Variants in JADE3 observed in about 807,000 individuals in gnomAD.
The protein encoded by JADE3 is protein Jade-3.
In JADE3, 2 loss-of-function variants were observed where a neutral mutation model predicts 50.1. The observed-to-expected ratio is 0.04, with a 90% CI of 0.02 to 0.13. The LOEUF is 0.13. Among genes scored for constraint, JADE3 ranks in the 10% least tolerant of loss-of-function variants. The pLI is 1.00. For synonymous variants in JADE3, 218 were observed against 232.9 expected, an observed-to-expected ratio of 0.94 and a Z score of 0.58; for missense variants, 475 against 634.4, an observed-to-expected ratio of 0.75 and a Z score of 2.70.
upstream of JADE3, chrX:46,912,391 G>A (rs1556335246): frequency 1.8e-5 from 2 of 112,000 alleles, no homozygotes; most frequent in Non-Finnish European, 3.8e-5. Context: ...GGGGGAGGAA[G>A]GAAAGGGAAG....
At chrX:46,938,701 C>G (rs1262499811) in intron 1 of JADE3, among the ~76,000 whole-genome samples, 1 of 112,364 alleles carries the variant, frequency 8.9e-6, no homozygotes, top group East Asian at 2.8e-4. Context: ...TCTAGCAGTT[C>G]GTTTAGAGTA....
In JADE3 at chrX:47,058,845, G is replaced by T. The variant is rs1055389651; in HGVS notation, c.2240G>T (p.Trp747Leu). 45 of 1,208,113 alleles carry T rather than the reference G, an allele frequency of 3.7e-5. No individual in the cohort carries two copies. Among genetic ancestry groups the T allele is most frequent in the Non-Finnish European group, 4.9e-5 (44 of 893,602 alleles). The change falls in exon 11 of 11, where the codon TGG becomes TTG. Residue 747 changes from tryptophan to leucine, a missense_variant. By Grantham distance (61) the Trp-to-Leu change is moderately conservative. Transcript: ENST00000614628. ...TKNMSPKEQF[W>L]GRQVLRRSAG... ...AATATGAGCCCCAAGGAGCAGTTCT[G>T]GGGTAGACAGGTTCTCAGGCGGTCT...
At chrX:47,049,669 C>T (rs1929458875) in intron 8 of JADE3, among the ~76,000 whole-genome samples, 1 of 106,590 alleles carries the variant, frequency 9.4e-6, no homozygotes, top group African/African-American at 3.4e-5. Context: ...TGGTCTTGAA[C>T]TCCTGGACTG....
At chrX:47,010,331 C>A (rs1051418813) in intron 4 of JADE3, among the ~76,000 whole-genome samples, 1 of 111,418 alleles carries the variant, frequency 9.0e-6, no homozygotes, top group Non-Finnish European at 1.9e-5. Flanking sequence ...CCAGTTCAAC[C>A]GATTCTCCTG....
chrX:47,024,366 G>A (rs1221574982), intron 4 of JADE3, among the ~76,000 whole-genome samples: 2 of 111,888 alleles, frequency 1.8e-5, no homozygotes, highest in Non-Finnish European at 3.8e-5. Context: ...GGTGGCATGT[G>A]CCTGTAGTCT....
intron 4 of JADE3, among the ~76,000 whole-genome samples, chrX:47,020,106 G>A (rs915630370): frequency 9.0e-6 from 1 of 111,526 alleles, no homozygotes; most frequent in African/African-American, 3.3e-5. Flanking sequence ...TGAGGCAGGT[G>A]GATCACCTGA....
intron 1 of JADE3, among the ~76,000 whole-genome samples, chrX:46,914,656 A>T (rs1184111216): frequency 1.3e-4 from 15 of 111,939 alleles, no homozygotes; most frequent in Non-Finnish European, 2.8e-4. Flanking sequence ...TTTGCTAGAG[A>T]ATAGCTTTTA....
intron 3 of JADE3, among the ~76,000 whole-genome samples, chrX:46,995,275 C>A (rs1266201468): frequency 5.4e-5 from 6 of 111,020 alleles, no homozygotes; most frequent in African/African-American, 9.8e-5. Context: ...GTAATCCACC[C>A]GCCTTGGCCT....
chrX:47,042,156 G>T (rs1387904871), intron 8 of JADE3, among the ~76,000 whole-genome samples: 1 of 110,908 alleles, frequency 9.0e-6, no homozygotes, highest in Non-Finnish European at 1.9e-5. Context: ...ACCATGGCTG[G>T]CTAATTTTTT....
chrX:46,987,525 T>C (rs2147132218), intron 3 of JADE3, among the ~76,000 whole-genome samples: 1 of 112,566 alleles, frequency 8.9e-6, no homozygotes, highest in South Asian at 3.7e-4. Flanking sequence ...AGCATTTCTC[T>C]CTTCCTTGGA....
At chrX:47,001,264 G>C (rs1243015832) in intron 4 of JADE3, among the ~76,000 whole-genome samples, 4 of 111,518 alleles carry the variant, frequency 3.6e-5, no homozygotes, top group African/African-American at 6.5e-5. Context: ...TGTTAGAACA[G>C]ATTTCTTAAC....
intron 1 of JADE3, among the ~76,000 whole-genome samples, chrX:46,913,627 G>T (rs1556335694): frequency 9.1e-6 from 1 of 109,699 alleles, no homozygotes; most frequent in Non-Finnish European, 1.9e-5. Flanking sequence ...TTTTTCTCCC[G>T]CTTTTCACAG....
intron 1 of JADE3, among the ~76,000 whole-genome samples, chrX:46,954,647 C>T (rs376727292): frequency 9.0e-6 from 1 of 111,099 alleles, no homozygotes; most frequent in African/African-American, 3.3e-5. Flanking sequence ...CTCTGCCTCC[C>T]GGGTTCAAGC....
At chrX:47,052,633 CAAAAAAAAAAAA>C (rs1195947563) in intron 8 of JADE3, among the ~76,000 whole-genome samples, 1 of 18,922 alleles carries the variant, frequency 5.3e-5, no homozygotes, top group Non-Finnish European at 1.2e-4. Flanking sequence ...GACTCTGTCT[CAAAAAAAAAAAA>C]AAAAAAAAAA....
At chrX:46,969,244 C>T (rs1602388720) in intron 1 of JADE3, among the ~76,000 whole-genome samples, 1 of 104,552 alleles carries the variant, frequency 9.6e-6, no homozygotes, top group African/African-American at 3.5e-5. Flanking sequence ...GGTGAAATCC[C>T]CTCTCTACTA....
At chrX:46,977,728 A>C (rs1159285897) in intron 1 of JADE3, among the ~76,000 whole-genome samples, 1 of 111,808 alleles carries the variant, frequency 8.9e-6, no homozygotes, top group African/African-American at 3.2e-5. Context: ...GAAACCTGTA[A>C]GGGGAAGAGG....
chrX:47,019,945 T>C (rs903102144), intron 4 of JADE3, among the ~76,000 whole-genome samples: 2 of 112,408 alleles, frequency 1.8e-5, no homozygotes, highest in Non-Finnish European at 3.8e-5. Flanking sequence ...AGCATCCAAA[T>C]TGAAAGTTGA....
chrX:46,927,760 C>G (rs782307073), intron 1 of JADE3, among the ~76,000 whole-genome samples: 10 of 111,509 alleles, frequency 9.0e-5, no homozygotes, highest in Non-Finnish European at 1.9e-4. Flanking sequence ...AAGTCTTGCC[C>G]TAGAGCACTA....
At position 47,054,763 on chromosome X, in the gene JADE3, T is replaced by C. The variant is rs782699179; in HGVS notation, c.1443+135T>C. ...GTCCTTGCTTATCTTCTGATCTCTT[T>C]ATGGCCCCAGACATTGGGCTCTGTG... On this transcript the variant is annotated intron_variant, in intron 9 of 10. Transcript: ENST00000614628. 37 of 444,658 alleles carry C rather than the reference T, an allele frequency of 8.3e-5. No individual in the cohort carries two copies. The South Asian group carries it at 1.4e-3, about 17-fold the overall frequency. 36.6% of individuals were successfully genotyped at this position (444,658 alleles called of 1,213,427 possible). A position where few individuals can be genotyped will look rare whatever the true frequency, so the allele number is the denominator to read the frequency against.
Sources: gnomAD v4.1 joint callset for allele counts (sites outside exome capture counted in the v4.1 genomes callset) on GRCh38, gnomAD v4.1.1 for gene constraint, MANE v1.5 for transcripts, NCBI Gene and HGNC (gene_info 2026-07-23, HGNC 2026-07-21) for gene names.